Variants in SLC13A1 observed in about 807,000 individuals in gnomAD.
SLC13A1 encodes the protein Na(+)/sulfate cotransporter.
SLC13A1 carries 65 observed loss-of-function variants against 70.0 expected under a neutral mutation model. The ratio of observed to expected loss-of-function variants is 0.93; its 90% CI spans 0.76 to 1.14. The LOEUF (loss-of-function observed/expected upper bound fraction) is 1.14, where lower values mean the gene tolerates loss of function less well. Ranked by LOEUF, SLC13A1 falls within the 50% of genes most tolerant of loss-of-function variation. The pLI is 0.00. For synonymous variants in SLC13A1, 275 were observed against 250.5 expected (o/e 1.10, Z -0.92); for missense variants, 726 against 717.8 (o/e 1.01, Z -0.13).
Position 123,171,692 on chromosome 7 carries a change from A to G in SLC13A1, c.365+76T>C, listed in dbSNP as rs1007324614. 4.2e-6 allele frequency: 6 copies of G among 1,412,434 alleles called. No individual in the cohort carries two copies. The African/African-American group carries it at 7.2e-5, about 17-fold the overall frequency. 87.5% of individuals were successfully genotyped at this position (1,412,434 alleles called of 1,614,324 possible). A position where few individuals can be genotyped will look rare whatever the true frequency, so the allele number is the denominator to read the frequency against. Reference sequence around the variant, plus strand: ...ACAAAGAATTTCCTGGGCGTGAATTACTTATTTGATTATTTGCTCTGCACA... The same window carrying G: ...ACAAAGAATTTCCTGGGCGTGAATTGCTTATTTGATTATTTGCTCTGCACA... On this transcript the variant is annotated intron_variant, in intron 3 of 14. Transcript: ENST00000194130.
rs746430870 is a variant in SLC13A1 at position 123,169,269 on chromosome 7, A to G, written c.432T>C (p.Ala144=). 4 of 1,614,016 alleles carry G rather than the reference A, an allele frequency of 2.5e-6. No homozygotes were observed. The highest frequency in any genetic ancestry group is 3.3e-4 in the Middle Eastern group (2 of 6,004). ...LSMWLSNTST[A]AMVMPIAEAV... ...CCTCCGCAATGGGCATCACCATGGCAGCCGTCGAGGTGTTGCTGAGCCACA... is the reference window on the plus strand; with the variant it reads ...CCTCCGCAATGGGCATCACCATGGCGGCCGTCGAGGTGTTGCTGAGCCACA... The change falls in exon 4 of 15, where the codon GCT becomes GCC. Residue 144 remains alanine (A), a synonymous_variant. Transcript: ENST00000194130.
At chr7:123,121,330 G>A (rs1262642684) in intron 12 of SLC13A1, among the ~76,000 whole-genome samples, 3 of 152,068 alleles carry the variant, frequency 2.0e-5, no homozygotes, top group Admixed American at 1.3e-4. Context: ...AGGTCTGCCA[G>A]TATGCTATGG....
chr7:123,173,030 C>T (rs1795325475), intron 2 of SLC13A1, among the ~76,000 whole-genome samples: 1 of 151,974 alleles, frequency 6.6e-6, no homozygotes. Context: ...AGATAACTTA[C>T]TTTAAGAAGC....
chr7:123,149,416 A>G (rs1359243155), intron 6 of SLC13A1: 4 of 453,228 alleles, frequency 8.8e-6, no homozygotes, highest in Non-Finnish European at 1.8e-5. Flanking sequence ...AAGTTCTCCA[A>G]GTAGTAGTTT....
intron 1 of SLC13A1, among the ~76,000 whole-genome samples, chr7:123,184,481 G>T (rs1795736457): frequency 6.6e-6 from 1 of 152,002 alleles, no homozygotes; most frequent in African/African-American, 2.4e-5. Context: ...AACTTTTTTA[G>T]ATTCCACATG....
In SLC13A1 at chr7:123,161,555, C is replaced by A. The variant is rs185273460; in HGVS notation, c.660+6819G>T. On this transcript the variant is annotated intron_variant, in intron 6 of 14. Transcript: ENST00000194130. ...TCTCCTTTCCTTGAGCAGCTAGCTG[C>A]GATACAGAATGGACAGAGGGAGATG... Among the ~76,000 whole-genome samples the A allele has an allele frequency of 4.9e-3, 743 of 152,134 alleles. 5 individuals are homozygous for A. The highest frequency in any genetic ancestry group is 8.6e-3 in the Non-Finnish European group (582 of 68,006).
rs566436352 is a variant in SLC13A1, at chr7:123,188,751, G to A, written c.100-7650C>T. Among the ~76,000 whole-genome samples, 13 of 152,230 alleles carry A rather than the reference G, an allele frequency of 8.5e-5. 1 individual carries two copies. Among genetic ancestry groups the A allele is most frequent in the African/African-American group, 3.1e-4 (13 of 41,542 alleles). Reference sequence around the variant, plus strand: ...AGCTTTATTGTATTTTTAATTGACAGGAGGATTTTAATTTTAATGCAGTGA... The same window carrying A: ...AGCTTTATTGTATTTTTAATTGACAAGAGGATTTTAATTTTAATGCAGTGA... On this transcript the variant is annotated intron_variant, in intron 1 of 14. Transcript: ENST00000194130.
Position 123,154,387 on chromosome 7 carries a change from C to T in SLC13A1, c.661-7077G>A, listed in dbSNP as rs115704456. 3.7e-3 allele frequency among the ~76,000 whole-genome samples: 567 copies of T among 152,204 alleles called. 3 individuals are homozygous for T. Among genetic ancestry groups the T allele is most frequent in the African/African-American group, 0.013 (534 of 41,554 alleles). On this transcript the variant is annotated intron_variant, in intron 6 of 14. Coordinates refer to ENST00000194130, the MANE Select transcript of SLC13A1 (RefSeq NM_022444.4). ...GACCGAATGCAGAATCCAATGACATCATCACAGTGGACCTGTCACAACAGA... is the reference window on the plus strand; with the variant it reads ...GACCGAATGCAGAATCCAATGACATTATCACAGTGGACCTGTCACAACAGA...
intron 6 of SLC13A1, among the ~76,000 whole-genome samples, chr7:123,162,101 T>C (rs1347860077): frequency 1.3e-5 from 2 of 150,682 alleles, no homozygotes; most frequent in Non-Finnish European, 2.9e-5. Context: ...AGAAATAAAA[T>C]ATAGTATTCA....
chr7:123,117,711 G>A, intron 13 of SLC13A1, 103 bp from the exon 14 acceptor site: 1 of 572,018 alleles, frequency 1.7e-6, no homozygotes, highest in African/African-American at 1.9e-5. Flanking sequence ...AAGCATGTTG[G>A]AACCTAATGA....
At chr7:123,193,034 C>T (rs1796051137) in intron 1 of SLC13A1, among the ~76,000 whole-genome samples, 3 of 152,104 alleles carry the variant, frequency 2.0e-5, no homozygotes, top group African/African-American at 4.8e-5. Context: ...CTAACCAGCA[C>T]CTGAGATGCA....
intron 7 of SLC13A1, among the ~76,000 whole-genome samples, chr7:123,144,211 A>C (rs1022486449): frequency 2.0e-5 from 3 of 152,180 alleles, no homozygotes; most frequent in African/African-American, 7.2e-5. Context: ...CTGGATAAGT[A>C]AGTCTGAAAT....
chr7:123,188,983 C>T (rs924773336), intron 1 of SLC13A1, among the ~76,000 whole-genome samples: 2 of 149,818 alleles, frequency 1.3e-5, no homozygotes, highest in Non-Finnish European at 3.0e-5. Context: ...GGTGTAGTGG[C>T]GGGCGCCTGT....
chr7:123,179,909 T>C (rs1012311451), intron 2 of SLC13A1, among the ~76,000 whole-genome samples: 6 of 152,156 alleles, frequency 3.9e-5, no homozygotes, highest in African/African-American at 1.4e-4. Context: ...CAACCCCTTC[T>C]TTTTTTATTC....
chr7:123,143,865 T>C (rs956418758), intron 7 of SLC13A1, among the ~76,000 whole-genome samples: 3 of 152,174 alleles, frequency 2.0e-5, no homozygotes, highest in Non-Finnish European at 4.4e-5. Flanking sequence ...AAATGTGTGC[T>C]GTGTTAAGCC....
At chr7:123,155,997 G>C (rs1337631759) in intron 6 of SLC13A1, among the ~76,000 whole-genome samples, 1 of 152,106 alleles carries the variant, frequency 6.6e-6, no homozygotes, top group Non-Finnish European at 1.5e-5. Flanking sequence ...ATTAGAAGCT[G>C]TTGCATCCAT....
At chr7:123,195,121 T>TG (rs1230402069) in intron 1 of SLC13A1, among the ~76,000 whole-genome samples, 1 of 152,126 alleles carries the variant, frequency 6.6e-6, no homozygotes, top group Non-Finnish European at 1.5e-5. Context: ...CACAACACTT[T>TG]GGGCTGGGAA....
intron 10 of SLC13A1, among the ~76,000 whole-genome samples, chr7:123,128,079 G>C (rs1041954976): frequency 2.0e-5 from 3 of 151,798 alleles, no homozygotes; most frequent in Non-Finnish European, 2.9e-5. Context: ...AAGACACTGA[G>C]ATATAAAATT....
chr7:123,163,429 CA>C (rs1794975192), intron 6 of SLC13A1, among the ~76,000 whole-genome samples: 1 of 151,962 alleles, frequency 6.6e-6, no homozygotes, highest in African/African-American at 2.4e-5. Context: ...AGTCATGGGA[CA>C]AATCTCTTTT....
Sources: allele counts gnomAD v4.1 joint callset (sites outside exome capture counted in the v4.1 genomes callset), GRCh38; gene constraint gnomAD v4.1.1; transcripts MANE v1.5; gene names NCBI Gene and HGNC (gene_info 2026-07-23, HGNC 2026-07-21).